Variants in MIPEP observed in about 807,000 individuals in gnomAD.
MIPEP encodes the protein mitochondrial intermediate peptidase.
MIPEP carries 79 observed loss-of-function variants against 90.3 expected under a neutral mutation model. The observed-to-expected ratio is 0.87, with a 90% CI of 0.73 to 1.05. The LOEUF (loss-of-function observed/expected upper bound fraction) is 1.05, where lower values mean the gene tolerates loss of function less well. Among genes scored for constraint, MIPEP ranks in the 50% least tolerant of loss-of-function variants. The probability of loss-of-function intolerance (pLI) is 0.00; values close to 1 mark genes in which losing one functional copy is unlikely to be tolerated. For missense variants in MIPEP, 940 were observed against 905.6 expected (o/e 1.04, Z -0.49); for synonymous variants, 334 against 315.8 (o/e 1.06, Z -0.61).
At chr13:23,880,318 T>C (rs564840570) in intron 3 of MIPEP, among the ~76,000 whole-genome samples, 3 of 151,582 alleles carry the variant, frequency 2.0e-5, no homozygotes, top group Admixed American at 1.3e-4. Context: ...AGAGAGTGAG[T>C]GTGGAGGCCT....
intron 18 of MIPEP, among the ~76,000 whole-genome samples, chr13:23,739,424 A>T (rs776162230): frequency 2.2e-4 from 34 of 152,214 alleles, no homozygotes; most frequent in Non-Finnish European, 1.5e-4. Context: ...ATTTGTGTTG[A>T]TCAATTATTA....
At chr13:23,738,472 CAG>C (rs1448877613) in intron 18 of MIPEP, among the ~76,000 whole-genome samples, 1 of 145,176 alleles carries the variant, frequency 6.9e-6, no homozygotes, top group Non-Finnish European at 1.5e-5. Flanking sequence ...TTTCTTGAGA[CAG>C]GGTGTCACTC....
chr13:23,873,131 C>T (rs189722335), intron 5 of MIPEP, among the ~76,000 whole-genome samples: 2 of 152,288 alleles, frequency 1.3e-5, no homozygotes, highest in African/African-American at 4.8e-5. Flanking sequence ...ATAAAAGCTT[C>T]GCAATGTGGC....
At chr13:23,831,383 C>CGGGGGGGGGGGGGGGG (rs1555237542) in intron 14 of MIPEP, among the ~76,000 whole-genome samples, 7 of 40,904 alleles carry the variant, frequency 1.7e-4, no homozygotes, top group African/African-American at 5.0e-4. Context: ...TTCCCCATGG[C>CGGGGGGGGGGGGGGGG]GGGGGGGGGA....
At position 23,883,673 on chromosome 13, in the gene MIPEP, AT is replaced by A. The variant is rs567617996; in HGVS notation, c.364-1887del. On this transcript the variant is annotated intron_variant, in intron 2 of 18. Coordinates refer to ENST00000382172, the MANE Select transcript of MIPEP (RefSeq NM_005932.4). ...CTGTACATGTTCAGTATGAATGCAA[AT>A]TTTTTTTCCAAATATTTTTGATCCA... Among the ~76,000 whole-genome samples, 4 of 152,186 alleles carry A rather than the reference AT, an allele frequency of 2.6e-5. No individual in the cohort carries two copies. In the East Asian group the frequency reaches 7.7e-4, roughly 29 times the overall value.
intron 14 of MIPEP, among the ~76,000 whole-genome samples, chr13:23,816,852 G>A (rs1953245471): frequency 6.6e-6 from 1 of 152,164 alleles, no homozygotes; most frequent in South Asian, 2.1e-4. Context: ...AACTCCTCCA[G>A]TATCAGGGCC....
chr13:23,804,583 ATTAG>A (rs1191314190), intron 16 of MIPEP, among the ~76,000 whole-genome samples: 5 of 152,336 alleles, frequency 3.3e-5, no homozygotes, highest in African/African-American at 9.6e-5. Flanking sequence ...AGATTAAAAA[ATTAG>A]TTAGTATGAC....
chr13:23,863,414 C>T (rs1481117817), intron 8 of MIPEP, among the ~76,000 whole-genome samples: 2 of 152,186 alleles, frequency 1.3e-5, no homozygotes, highest in African/African-American at 4.8e-5. Context: ...GAAAATTCCA[C>T]ATGTGATGTC....
intron 2 of MIPEP, among the ~76,000 whole-genome samples, chr13:23,885,986 A>G (rs1871463708): frequency 6.6e-6 from 1 of 151,552 alleles, no homozygotes; most frequent in Admixed American, 6.6e-5. Flanking sequence ...ATTTTGGGAG[A>G]CACTTTCATA....
intron 5 of MIPEP, among the ~76,000 whole-genome samples, chr13:23,874,403 T>C (rs1428999476): frequency 2.0e-5 from 3 of 151,766 alleles, no homozygotes; most frequent in Non-Finnish European, 4.4e-5. Context: ...ATGGACTAGG[T>C]AGAAGGCCTC....
intron 16 of MIPEP, among the ~76,000 whole-genome samples, chr13:23,788,006 A>T (rs937461092): frequency 2.6e-5 from 4 of 152,154 alleles, no homozygotes; most frequent in Non-Finnish European, 4.4e-5. Flanking sequence ...TACCACTGGG[A>T]GTCAGCTGGA....
chr13:23,784,358 G>C (rs1206447602), intron 16 of MIPEP, among the ~76,000 whole-genome samples: 4 of 152,140 alleles, frequency 2.6e-5, no homozygotes, highest in African/African-American at 9.7e-5. Context: ...TCTGATCTTT[G>C]ACAAACCTGA....
rs1871708562 is a variant in MIPEP at position 23,889,376 on chromosome 13, C to T, written c.-56G>A. 1.6e-6 allele frequency: 2 copies of T among 1,237,722 alleles called. No homozygotes were observed. Among genetic ancestry groups the T allele is most frequent in the African/African-American group, 1.6e-5 (1 of 64,512 alleles). The allele number at this position is 1,237,722 out of a possible 1,614,324, so 76.7% of individuals were successfully genotyped here. On this transcript the variant is annotated 5_prime_UTR_variant, in exon 1 of 19. Coordinates refer to ENST00000382172, the MANE Select transcript of MIPEP (RefSeq NM_005932.4). ...GCAGATCCCTGCCCTGCTGCTTTCG[C>T]TGGGAGCGCGCGCTCCGCGTTTCCA...
chr13:23,823,207 C>T (rs910148076), intron 14 of MIPEP, among the ~76,000 whole-genome samples: 1 of 152,076 alleles, frequency 6.6e-6, no homozygotes, highest in Non-Finnish European at 1.5e-5. Context: ...AAGACGAAGG[C>T]TTGGGTGTGA....
chr13:23,786,878 C>A (rs1952847478), intron 16 of MIPEP, among the ~76,000 whole-genome samples: 1 of 152,174 alleles, frequency 6.6e-6, no homozygotes. Context: ...CTAAAGTAGT[C>A]AAGTGCACAG....
chr13:23,859,145 GA>G (rs1313511289), intron 9 of MIPEP, among the ~76,000 whole-genome samples: 3 of 152,098 alleles, frequency 2.0e-5, no homozygotes, highest in African/African-American at 7.2e-5. Flanking sequence ...AGAATCTGGG[GA>G]AAAGACAAAC....
chr13:23,792,651 T>C (rs1952910504), intron 16 of MIPEP, among the ~76,000 whole-genome samples: 1 of 152,246 alleles, frequency 6.6e-6, no homozygotes, highest in South Asian at 2.1e-4. Flanking sequence ...AGCCACGATG[T>C]CTGGCCGTCT....
chr13:23,782,749 C>T (rs1223054805), intron 16 of MIPEP, among the ~76,000 whole-genome samples: 19 of 152,082 alleles, frequency 1.2e-4, no homozygotes, highest in Admixed American at 5.9e-4. Context: ...ATCAAATAGA[C>T]GCAATAAAAA....
rs557538415 is a variant in MIPEP, at chr13:23,817,119, G to A, written c.1654-7195C>T. 1.1e-4 allele frequency among the ~76,000 whole-genome samples: 17 copies of A among 152,214 alleles called. No homozygotes were observed. In the Middle Eastern group the frequency reaches 0.014, roughly 122 times the overall value. The stretch of plus-strand genomic sequence containing the variant: ...GGTTGGTTGCCAGCACTGCTCTTTC[G>A]AGCTTTCTGCATCCTAGGTGGATGG... On this transcript the variant is annotated intron_variant, in intron 14 of 18. Coordinates refer to ENST00000382172, the MANE Select transcript of MIPEP (RefSeq NM_005932.4).
Sources: gnomAD v4.1 joint callset for allele counts (sites outside exome capture counted in the v4.1 genomes callset) on GRCh38, gnomAD v4.1.1 for gene constraint, MANE v1.5 for transcripts, NCBI Gene and HGNC (gene_info 2026-07-23, HGNC 2026-07-21) for gene names.